Variants in FRMD4A observed in about 807,000 individuals in gnomAD.
FRMD4A encodes FERM domain-containing protein 4A.
In FRMD4A, 29 loss-of-function variants were observed where a neutral mutation model predicts 129.1. The observed-to-expected ratio is 0.22, with a 90% CI of 0.17 to 0.31. FRMD4A has a LOEUF of 0.31. FRMD4A is among the 10% of genes least tolerant of loss of function. The pLI, the probability that FRMD4A is intolerant of heterozygous loss-of-function variation, is 1.00. For synonymous variants in FRMD4A, 634 were observed against 571.6 expected, an observed-to-expected ratio of 1.11 and a Z score of -1.56; for missense variants, 1,272 against 1,375.8, an observed-to-expected ratio of 0.92 and a Z score of 1.19.
intron 23 of FRMD4A, chr10:13,654,191 G>C: frequency 1.7e-6 from 1 of 576,342 alleles, no homozygotes; most frequent in Non-Finnish European, 3.1e-6. Context: ...AAGGACCACC[G>C]CCTACTTTAA....
intron 2 of FRMD4A, among the ~76,000 whole-genome samples, chr10:14,046,480 A>G (rs1462932326): frequency 6.6e-6 from 1 of 152,202 alleles, no homozygotes; most frequent in Non-Finnish European, 1.5e-5. Flanking sequence ...TAATATTTTG[A>G]AAACTCATTT....
intron 2 of FRMD4A, among the ~76,000 whole-genome samples, chr10:13,997,691 T>C (rs989214612): frequency 2.0e-5 from 3 of 151,490 alleles, no homozygotes; most frequent in African/African-American, 7.3e-5. Flanking sequence ...GATGTAATCT[T>C]GGCTCACTGC....
intron 2 of FRMD4A, among the ~76,000 whole-genome samples, chr10:14,133,147 G>C (rs1055918930): frequency 6.6e-6 from 1 of 152,188 alleles, no homozygotes; most frequent in African/African-American, 2.4e-5. Flanking sequence ...TTTAGCACAT[G>C]ATGAGGTGAA....
intron 13 of FRMD4A, among the ~76,000 whole-genome samples, chr10:13,705,301 G>T (rs557792420): frequency 2.6e-5 from 4 of 152,302 alleles, no homozygotes; most frequent in African/African-American, 9.6e-5. Flanking sequence ...CTTTGGTAAA[G>T]AGAGTTTAGC....
intron 2 of FRMD4A, among the ~76,000 whole-genome samples, chr10:13,988,625 G>A (rs146259260): frequency 1.3e-5 from 2 of 152,312 alleles, no homozygotes; most frequent in Non-Finnish European, 2.9e-5. Context: ...TACATGGATG[G>A]ATGAATTGGT....
chr10:14,220,978 G>A (rs1406425379), intron 2 of FRMD4A, among the ~76,000 whole-genome samples: 1 of 151,952 alleles, frequency 6.6e-6, no homozygotes, highest in East Asian at 1.9e-4. Context: ...GCTGGACTGA[G>A]GGGCAGGAAC....
At chr10:13,774,961 A>C (rs867232308) in intron 6 of FRMD4A, among the ~76,000 whole-genome samples, 10 of 150,502 alleles carry the variant, frequency 6.6e-5, no homozygotes, top group Middle Eastern at 3.5e-3. Context: ...AAAAAAAAAA[A>C]CAACAAAAAA....
intron 2 of FRMD4A, among the ~76,000 whole-genome samples, chr10:14,274,503 T>C (rs1845271775): frequency 6.6e-6 from 1 of 152,058 alleles, no homozygotes; most frequent in Non-Finnish European, 1.5e-5. Flanking sequence ...ATCTCGAAAC[T>C]TGGGGACAGG....
intron 11 of FRMD4A, 79 bp from the exon 12 acceptor site, chr10:13,738,009 G>C: frequency 3.7e-6 from 3 of 815,872 alleles, no homozygotes; most frequent in Non-Finnish European, 4.3e-6. Flanking sequence ...TCCTGGCTCA[G>C]GGGCAGACGA....
intron 2 of FRMD4A, among the ~76,000 whole-genome samples, chr10:13,996,482 G>A (rs1469153849): frequency 6.6e-6 from 1 of 152,162 alleles, no homozygotes; most frequent in Non-Finnish European, 1.5e-5. Context: ...CACAAGAATC[G>A]GCACAGACTC....
intron 2 of FRMD4A, among the ~76,000 whole-genome samples, chr10:14,236,980 A>T (rs955073118): frequency 2.3e-5 from 3 of 133,146 alleles, no homozygotes; most frequent in African/African-American, 9.0e-5. Context: ...CTGAGAAGGA[A>T]CTCCAACAGG....
intron 3 of FRMD4A, among the ~76,000 whole-genome samples, chr10:13,822,576 G>C (rs7096812): frequency 0.057 from 8,620 of 152,226 alleles, 779 homozygotes; most frequent in African/African-American, 0.19. Flanking sequence ...CACGAGACAG[G>C]ATGGAACCTG....
At chr10:13,787,402 C>G (rs940261003) in intron 5 of FRMD4A, among the ~76,000 whole-genome samples, 1 of 152,164 alleles carries the variant, frequency 6.6e-6, no homozygotes, top group African/African-American at 2.4e-5. Context: ...GCACCAGGGA[C>G]AAGAGCCTCC....
chr10:14,082,419 T>A (rs1588933655), intron 2 of FRMD4A, among the ~76,000 whole-genome samples: 1 of 152,114 alleles, frequency 6.6e-6, no homozygotes, highest in Non-Finnish European at 1.5e-5. Context: ...CTCACTTTCC[T>A]AGGAGTAGCT....
At chr10:14,203,315 C>T (rs981695836) in intron 2 of FRMD4A, among the ~76,000 whole-genome samples, 14 of 152,178 alleles carry the variant, frequency 9.2e-5, no homozygotes, top group African/African-American at 3.1e-4. Flanking sequence ...TTTTCCATCT[C>T]AACATTTGGT....
intron 2 of FRMD4A, among the ~76,000 whole-genome samples, chr10:14,156,998 C>T (rs1183521365): frequency 6.6e-6 from 1 of 152,098 alleles, no homozygotes; most frequent in Non-Finnish European, 1.5e-5. Context: ...ATTGCTGGTT[C>T]CCTTGTTTGA....
chr10:14,215,184 C>T (rs998811549), intron 2 of FRMD4A, among the ~76,000 whole-genome samples: 5 of 152,212 alleles, frequency 3.3e-5, no homozygotes, highest in Middle Eastern at 3.4e-3. Context: ...ACGAAAAAGC[C>T]GTGGAAAATA....
chr10:14,113,557 C>G (rs1004826610), intron 2 of FRMD4A, among the ~76,000 whole-genome samples: 3 of 152,112 alleles, frequency 2.0e-5, no homozygotes, highest in African/African-American at 7.2e-5. Flanking sequence ...TAGTTAAATT[C>G]TGGGGGACTC....
At chr10:14,304,353 C>A (rs1846278391) in intron 2 of FRMD4A, among the ~76,000 whole-genome samples, 1 of 152,106 alleles carries the variant, frequency 6.6e-6, no homozygotes, top group Non-Finnish European at 1.5e-5. Context: ...GAAGTGACAT[C>A]TCATTTTGGC....
Sources: allele counts gnomAD v4.1 joint callset (sites outside exome capture counted in the v4.1 genomes callset), GRCh38; gene constraint gnomAD v4.1.1; transcripts MANE v1.5; gene names NCBI Gene and HGNC (gene_info 2026-07-23, HGNC 2026-07-21).